The following SLC35F3 variants were observed in gnomAD, a reference collection of about 807,000 sequenced individuals.
The protein encoded by SLC35F3 is putative thiamine transporter SLC35F3.
A neutral mutation model predicts 49.9 loss-of-function variants in SLC35F3; 25 were observed. The observed-to-expected ratio is 0.50, with a 90% CI of 0.37 to 0.70. The LOEUF (loss-of-function observed/expected upper bound fraction) is 0.70, where lower values mean the gene tolerates loss of function less well. SLC35F3 is among the 30% of genes least tolerant of loss of function. SLC35F3 has a pLI of 0.00. For synonymous variants in SLC35F3, 275 were observed against 265.4 expected (o/e 1.04, Z -0.35); for missense variants, 525 against 639.8 (o/e 0.82, Z 1.94).
At chr1:234,143,667 T>G (rs1472116755) in intron 2 of SLC35F3, among the ~76,000 whole-genome samples, 1 of 152,182 alleles carries the variant, frequency 6.6e-6, no homozygotes, top group Non-Finnish European at 1.5e-5. Context: ...CTTATTTCAC[T>G]TAGCACAATG....
chr1:233,954,210 G>A (rs904599585), intron 2 of SLC35F3, among the ~76,000 whole-genome samples: 3 of 152,182 alleles, frequency 2.0e-5, no homozygotes, highest in African/African-American at 4.8e-5. Flanking sequence ...ATTTCGCCGT[G>A]TTAGCCAGGA....
chr1:234,009,008 A>G (rs1407799038), intron 2 of SLC35F3, among the ~76,000 whole-genome samples: 1 of 152,222 alleles, frequency 6.6e-6, no homozygotes, highest in African/African-American at 2.4e-5. Flanking sequence ...CAGATTACAT[A>G]AAGTTAATAC....
chr1:234,168,302 G>A (rs1469440188), intron 2 of SLC35F3, among the ~76,000 whole-genome samples: 2 of 152,228 alleles, frequency 1.3e-5, no homozygotes, highest in South Asian at 2.1e-4. Flanking sequence ...GATGGCCGGG[G>A]TACTCCCCCA....
chr1:234,117,044 T>G (rs1448810067), intron 2 of SLC35F3, among the ~76,000 whole-genome samples: 2 of 152,224 alleles, frequency 1.3e-5, no homozygotes, highest in Non-Finnish European at 2.9e-5. Flanking sequence ...GATTGCCTTC[T>G]TATTACCTGT....
intron 2 of SLC35F3, among the ~76,000 whole-genome samples, chr1:234,136,672 A>G (rs995106721): frequency 6.6e-6 from 1 of 152,270 alleles, no homozygotes; most frequent in African/African-American, 2.4e-5. Flanking sequence ...CAACAAACAT[A>G]TAGTGAATGA....
At chr1:234,224,192 G>A (rs1667252126) in intron 2 of SLC35F3, among the ~76,000 whole-genome samples, 2 of 152,232 alleles carry the variant, frequency 1.3e-5, no homozygotes, top group African/African-American at 2.4e-5. Context: ...AGCCTCCCAG[G>A]TAGCTGGGAC....
chr1:234,016,819 G>A (rs2102840578), intron 2 of SLC35F3, among the ~76,000 whole-genome samples: 1 of 152,274 alleles, frequency 6.6e-6, no homozygotes, highest in East Asian at 1.9e-4. Context: ...AAGAATTTAA[G>A]AAGCCCCGGT....
intron 2 of SLC35F3, among the ~76,000 whole-genome samples, chr1:234,208,969 G>A (rs1362680270): frequency 6.6e-6 from 1 of 152,180 alleles, no homozygotes; most frequent in African/African-American, 2.4e-5. Context: ...CTGTTGCACA[G>A]TACATTCTTA....
chr1:234,282,530 G>A (rs1320223351), intron 3 of SLC35F3, among the ~76,000 whole-genome samples: 1 of 152,222 alleles, frequency 6.6e-6, no homozygotes, highest in African/African-American at 2.4e-5. Flanking sequence ...GCTGGGGAGG[G>A]CCTTACCCAT....
In SLC35F3 at chr1:234,214,161, G is replaced by A; in HGVS notation, c.284-17256G>A. On this transcript the variant is annotated intron_variant, in intron 2 of 7. Transcript: ENST00000366618. The surrounding 1 kb of genome is among the most constrained non-coding windows in gnomAD (Gnocchi z 8.0). ...CTGCGGGGCTGGGCGTCCCGGGGAGGAGGGCGGAGCAGGTGAGCTGCGGGG... is the reference window on the plus strand; with the variant it reads ...CTGCGGGGCTGGGCGTCCCGGGGAGAAGGGCGGAGCAGGTGAGCTGCGGGG... 1 of 1,062,386 alleles carries A rather than the reference G, an allele frequency of 9.4e-7. No homozygotes were observed. The highest frequency in any genetic ancestry group is 4.3e-4 in the Middle Eastern group (1 of 2,336). The allele number at this position is 1,062,386 out of a possible 1,614,324, so 65.8% of individuals were successfully genotyped here.
At chr1:233,912,071 G>A (rs1336853928) in intron 2 of SLC35F3, among the ~76,000 whole-genome samples, 2 of 152,170 alleles carry the variant, frequency 1.3e-5, no homozygotes, top group Admixed American at 1.3e-4. Context: ...TGTTAGGGAT[G>A]CTCTGGCCCT....
chr1:234,232,545 AAG>A (rs1667401938), intron 3 of SLC35F3, among the ~76,000 whole-genome samples: 1 of 150,576 alleles, frequency 6.6e-6, no homozygotes, highest in African/African-American at 2.5e-5. Flanking sequence ...AAAAAAGAAA[AAG>A]AAAAAAAGAA....
chr1:234,148,170 CA>C (rs1666025017), intron 2 of SLC35F3, among the ~76,000 whole-genome samples: 1 of 152,148 alleles, frequency 6.6e-6, no homozygotes, highest in South Asian at 2.1e-4. Context: ...TGCAGACCTC[CA>C]GGTGGAAGAT....
At chr1:234,100,495 AG>A (rs1297241173) in intron 2 of SLC35F3, among the ~76,000 whole-genome samples, 1 of 152,268 alleles carries the variant, frequency 6.6e-6, no homozygotes, top group East Asian at 1.9e-4. Flanking sequence ...TAATCAAAAA[AG>A]TGTGATGAGC....
At chr1:234,182,637 A>G (rs1666580277) in intron 2 of SLC35F3, among the ~76,000 whole-genome samples, 1 of 152,210 alleles carries the variant, frequency 6.6e-6, no homozygotes, top group Non-Finnish European at 1.5e-5. Context: ...TTTCTGGACA[A>G]TGCCAAATTC....
intron 2 of SLC35F3, among the ~76,000 whole-genome samples, chr1:234,113,475 A>G (rs1306919960): frequency 1.3e-5 from 2 of 152,254 alleles, no homozygotes; most frequent in Non-Finnish European, 2.9e-5. Context: ...GGAAGGTATA[A>G]TTGGGATTTA....
intron 2 of SLC35F3, among the ~76,000 whole-genome samples, chr1:234,012,407 G>C (rs1663736878): frequency 6.6e-6 from 1 of 152,162 alleles, no homozygotes; most frequent in Admixed American, 6.5e-5. Flanking sequence ...TTGGGCTGGG[G>C]GACATTCAGG....
In SLC35F3 at chr1:234,136,051, G is replaced by A. The variant is rs114368251; in HGVS notation, c.284-95366G>A. 4.7e-3 allele frequency among the ~76,000 whole-genome samples: 710 copies of A among 152,224 alleles called. 2 individuals carry two copies. Among genetic ancestry groups the A allele is most frequent in the African/African-American group, 0.016 (658 of 41,532 alleles). ...TTAACAACTGTTTATAGATATGAAA[G>A]GTGAAGAATATGAAACAGAATCTCT... is the stretch of plus-strand genomic sequence containing the variant. On this transcript the variant is annotated intron_variant, in intron 2 of 7. Transcript: ENST00000366618.
At chr1:234,187,644 C>T (rs923801016) in intron 2 of SLC35F3, among the ~76,000 whole-genome samples, 3 of 152,186 alleles carry the variant, frequency 2.0e-5, no homozygotes, top group African/African-American at 7.2e-5. Flanking sequence ...CGTGCCCTCA[C>T]TGGGGAACCT....
Sources: gnomAD v4.1 joint callset for allele counts (sites outside exome capture counted in the v4.1 genomes callset) on GRCh38, gnomAD v4.1.1 for gene constraint, Gnocchi (gnomAD v3.1) non-coding constraint, MANE v1.5 for transcripts, NCBI Gene and HGNC (gene_info 2026-07-23, HGNC 2026-07-21) for gene names.